The following RPS6KA2 variants were observed in gnomAD, a reference collection of about 807,000 sequenced individuals.
RPS6KA2 encodes the protein ribosomal protein S6 kinase alpha-2.
In RPS6KA2, 42 loss-of-function variants were observed where a neutral mutation model predicts 91.8. The observed-to-expected ratio is 0.46, with a 90% confidence interval of 0.36 to 0.59. RPS6KA2 has a LOEUF of 0.59. Ranked by LOEUF, RPS6KA2 falls within the 20% of genes least tolerant of loss-of-function variation. The pLI, the probability that RPS6KA2 is intolerant of heterozygous loss-of-function variation, is 0.00. For synonymous variants in RPS6KA2, 414 were observed against 393.6 expected, an observed-to-expected ratio of 1.05 and a Z score of -0.61; for missense variants, 798 against 978.5, an observed-to-expected ratio of 0.82 and a Z score of 2.46.
chr6:166,458,918 C>T (rs536917042), intron 12 of RPS6KA2, among the ~76,000 whole-genome samples: 2 of 152,264 alleles, frequency 1.3e-5, no homozygotes, highest in South Asian at 2.1e-4. Context: ...GGGAGCTGAC[C>T]AGTTCTGATG....
Position 166,451,186 on chromosome 6 carries a change from C to T in RPS6KA2, c.1123G>A (p.Gly375Arg). 1 of 1,614,096 alleles carries T rather than the reference C, an allele frequency of 6.2e-7. No homozygotes were observed. Among genetic ancestry groups the T allele is most frequent in the East Asian group, 2.2e-5 (1 of 44,880 alleles). ...PSANAHHLFR[G>R]FSFVASSLIQ... ...AGGCTTGAGGCCACAAAGCTGAATC[C>T]TCTAAACAGGTGATGAGCGTTTGCA... The change falls in exon 13 of 21, where the codon GGA becomes AGA. Residue 375 changes from glycine (G) to arginine (R), a missense_variant. Physicochemically the swap from Gly to Arg is moderately radical, Grantham distance 125 (BLOSUM62 -2). Coordinates refer to ENST00000265678, the MANE Select transcript of RPS6KA2 (RefSeq NM_021135.6).
chr6:166,678,383 C>A (rs1051464664), intron 2 of RPS6KA2, among the ~76,000 whole-genome samples: 2 of 152,236 alleles, frequency 1.3e-5, no homozygotes, highest in African/African-American at 4.8e-5. Context: ...CACAAGCCGC[C>A]CTGCAAGCCC....
At chr6:166,516,814 A>G (rs1462271177) in intron 3 of RPS6KA2, among the ~76,000 whole-genome samples, 1 of 152,208 alleles carries the variant, frequency 6.6e-6, no homozygotes, top group African/African-American at 2.4e-5. Flanking sequence ...CAGGCCCTGC[A>G]TGATCTGAAG....
Position 166,733,818 on chromosome 6 carries a change from T to G in RPS6KA2, c.123+124382A>C, listed in dbSNP as rs1318949472. On this transcript the variant is annotated intron_variant, in intron 2 of 21. Transcript: ENST00000503859. This position sits in a 1 kb window ranked among gnomAD's most constrained non-coding sequence, Gnocchi z 4.1. ...GAGAAGTAAAAGGAAGGTTTCTGCG[T>G]TTTTCTGTTTATAAAGCGGATATGA... Among the ~76,000 whole-genome samples, 1 of 152,084 alleles carries G rather than the reference T, an allele frequency of 6.6e-6. No homozygotes were observed. The highest frequency in any genetic ancestry group is 2.4e-5 in the African/African-American group (1 of 41,382).
chr6:166,858,553 A>G (rs111517176), intron 1 of RPS6KA2, among the ~76,000 whole-genome samples: 1,763 of 152,364 alleles, frequency 0.012, 34 homozygotes, highest in African/African-American at 0.039. Flanking sequence ...GGTACAATCT[A>G]AAGGACGACA....
At chr6:166,858,271 G>A in intron 1 of RPS6KA2, 1 of 1,496,002 alleles carries the variant, frequency 6.7e-7, no homozygotes, top group Non-Finnish European at 9.3e-7. Context: ...TGATAACAAA[G>A]ATAGATGTTA....
chr6:166,519,350 T>C (rs1406251652), intron 3 of RPS6KA2, among the ~76,000 whole-genome samples: 1 of 152,202 alleles, frequency 6.6e-6, no homozygotes, highest in Non-Finnish European at 1.5e-5. Context: ...ATTGCTACTA[T>C]AGATGTGAAA....
intron 1 of RPS6KA2, among the ~76,000 whole-genome samples, chr6:166,604,406 T>C (rs939175373): frequency 6.6e-6 from 1 of 151,992 alleles, no homozygotes; most frequent in Non-Finnish European, 1.5e-5. Flanking sequence ...AAAAAAAAAT[T>C]CAGAAATTAA....
chr6:166,723,413 G>C (rs1167150606), intron 2 of RPS6KA2, among the ~76,000 whole-genome samples: 1 of 152,038 alleles, frequency 6.6e-6, no homozygotes, highest in Admixed American at 6.5e-5. Flanking sequence ...CCCCTGGGGG[G>C]TCCCACACGT....
intron 10 of RPS6KA2, chr6:166,475,582 A>T (rs1780942721): frequency 1.4e-5 from 4 of 288,478 alleles, no homozygotes; most frequent in African/African-American, 6.6e-5. Context: ...ACTCAAATAG[A>T]TCAGTGGCCC....
chr6:166,684,534 C>G (rs938754644), intron 2 of RPS6KA2, among the ~76,000 whole-genome samples: 2 of 152,082 alleles, frequency 1.3e-5, no homozygotes, highest in Non-Finnish European at 2.9e-5. Context: ...AAGCCAAGAC[C>G]CTTTGAAGGC....
chr6:166,438,131 C>T (rs926063204), intron 14 of RPS6KA2, among the ~76,000 whole-genome samples: 2 of 152,222 alleles, frequency 1.3e-5, no homozygotes, highest in Non-Finnish European at 2.9e-5. Flanking sequence ...CAGACACCTT[C>T]TCCTGTAAAA....
At chr6:166,521,562 G>A (rs1323494049) in intron 3 of RPS6KA2, among the ~76,000 whole-genome samples, 13 of 152,200 alleles carry the variant, frequency 8.5e-5, no homozygotes. Flanking sequence ...TCCCACCACG[G>A]GATTTCTGAG....
At chr6:166,574,367 T>C (rs369940252) in intron 1 of RPS6KA2, among the ~76,000 whole-genome samples, 1 of 152,308 alleles carries the variant, frequency 6.6e-6, no homozygotes, top group East Asian at 1.9e-4. Flanking sequence ...TTTATGTCCA[T>C]GTGTATTCAA....
At position 166,752,547 on chromosome 6, in the gene RPS6KA2, T is replaced by G. The variant is rs74664424; in HGVS notation, c.123+105653A>C. Among the ~76,000 whole-genome samples, 1,068 of 152,330 alleles carry G rather than the reference T, an allele frequency of 7.0e-3. 8 individuals carry two copies. Among genetic ancestry groups the G allele is most frequent in the African/African-American group, 0.024 (1,008 of 41,566 alleles). On this transcript the variant is annotated intron_variant, in intron 2 of 21. Transcript: ENST00000503859. Reference sequence around the variant, plus strand: ...AGAACATTAATGGGTTATTAAATATTTAATTTAATTCAGAGATGATAGACC... The same window carrying G: ...AGAACATTAATGGGTTATTAAATATGTAATTTAATTCAGAGATGATAGACC...
At chr6:166,722,880 G>A (rs372385567) in intron 2 of RPS6KA2, among the ~76,000 whole-genome samples, 15 of 152,134 alleles carry the variant, frequency 9.9e-5, no homozygotes, top group African/African-American at 2.2e-4. Context: ...GAGTAATTTC[G>A]GTTACTCTTT....
chr6:166,714,237 T>TTC (rs1789949184), intron 2 of RPS6KA2, among the ~76,000 whole-genome samples: 1 of 152,192 alleles, frequency 6.6e-6, no homozygotes. Context: ...ACAGAACACA[T>TTC]TCTCACACAG....
intron 15 of RPS6KA2, 38 bp downstream of exon 15, chr6:166,432,363 G>C: frequency 3.0e-6 from 4 of 1,336,290 alleles, no homozygotes; most frequent in Non-Finnish European, 4.3e-6. Context: ...TGAAGAAACA[G>C]AAGGAAGTGG....
intron 2 of RPS6KA2, among the ~76,000 whole-genome samples, chr6:166,762,730 A>G (rs1308930490): frequency 2.0e-5 from 3 of 152,156 alleles, no homozygotes; most frequent in African/African-American, 7.2e-5. Context: ...GTCCACTCCC[A>G]GGAAACGACC....
Sources: allele counts gnomAD v4.1 joint callset (sites outside exome capture counted in the v4.1 genomes callset), GRCh38; gene constraint gnomAD v4.1.1; non-coding constraint Gnocchi (gnomAD v3.1); transcripts MANE v1.5; gene names NCBI Gene and HGNC (gene_info 2026-07-23, HGNC 2026-07-21).